Variants in ING2 observed in about 807,000 individuals in gnomAD.
ING2 encodes inhibitor of growth family member 2, also known as inhibitor of growth protein 2.
In ING2, 7 loss-of-function variants were observed where a neutral mutation model predicts 30.6. The observed-to-expected ratio is 0.23, with a 90% CI of 0.13 to 0.43. ING2 has a LOEUF of 0.43. Ranked by LOEUF, ING2 falls within the 20% of genes least tolerant of loss-of-function variation. The probability of loss-of-function intolerance (pLI) is 1.00; values close to 1 mark genes in which losing one functional copy is unlikely to be tolerated. For synonymous variants in ING2, 136 were observed against 121.7 expected (o/e 1.12, Z -0.78); for missense variants, 239 against 334.9 (o/e 0.71, Z 2.24).
At position 183,505,114 on chromosome 4, in the gene ING2, A is replaced by G. The variant is rs2111081857; in HGVS notation, c.-82A>G. 1.5e-6 allele frequency: 2 copies of G among 1,371,148 alleles called. No homozygotes were observed. Among genetic ancestry groups the G allele is most frequent in the African/African-American group, 1.6e-5 (1 of 63,872 alleles). The allele number at this position is 1,371,148 out of a possible 1,614,324, so 84.9% of individuals were successfully genotyped here. ...GGGTCCCCGCGGCGCCGGGCTGCTGAGCTGAGGGCCCGCGGCGGCCGCGGC... is the reference window on the plus strand; with the variant it reads ...GGGTCCCCGCGGCGCCGGGCTGCTGGGCTGAGGGCCCGCGGCGGCCGCGGC... On this transcript the variant is annotated 5_prime_UTR_variant, in exon 1 of 2. Coordinates refer to ENST00000302327, the MANE Select transcript of ING2 (RefSeq NM_001564.4).
At chr4:183,509,606 CG>C (rs1173823707) in intron 1 of ING2, among the ~76,000 whole-genome samples, 2 of 151,934 alleles carry the variant, frequency 1.3e-5, no homozygotes, top group African/African-American at 4.8e-5. Context: ...CCACTGCGCC[CG>C]GCTAATTTTT....
Position 183,505,142 on chromosome 4 carries a change from G to C in ING2, c.-54G>C. ...TGAGGGCCCGCGGCGGCCGCGGCCG[G>C]TGCATGTGCGGCTGCTGGATGCGGA... On this transcript the variant is annotated 5_prime_UTR_variant, in exon 1 of 2. Transcript: ENST00000302327. The C allele has an allele frequency of 1.3e-6, 2 of 1,542,786 alleles. No individual in the cohort carries two copies. Among genetic ancestry groups the C allele is most frequent in the Non-Finnish European group, 1.7e-6 (2 of 1,147,980 alleles).
intron 1 of ING2, 150 bp downstream of exon 1, chr4:183,505,517 C>A (rs1734614367): frequency 1.4e-6 from 1 of 737,866 alleles, no homozygotes; most frequent in Non-Finnish European, 2.1e-6. Flanking sequence ...GGGTTGGCGG[C>A]CCTCCGTGGC....
At chr4:183,506,450 C>T (rs1017785642) in intron 1 of ING2, 8 of 551,618 alleles carry the variant, frequency 1.5e-5, no homozygotes, top group African/African-American at 1.2e-4. Flanking sequence ...CTTTGCCGGC[C>T]GACCCGGGAA....
Position 183,510,745 on chromosome 4 carries a change from T to C in ING2, c.636T>C (p.Pro212=), listed in dbSNP as rs376521443. The change falls in exon 2 of 2, where the codon CCT becomes CCC. Residue 212 remains proline (P), a synonymous_variant. Transcript: ENST00000302327. ...PVEFAIDPNE[P]TYCLCNQVSY... ...AGTTTGCAATAGATCCTAATGAACC[T>C]ACATACTGCTTATGCAACCAAGTGT... 6.2e-7 allele frequency: 1 copy of C among 1,614,082 alleles called. No individual in the cohort carries two copies. Among genetic ancestry groups the C allele is most frequent in the Non-Finnish European group, 8.5e-7 (1 of 1,180,038 alleles).
chr4:183,505,501 G>C (rs1013300907), intron 1 of ING2, 134 bp downstream of exon 1: 1 of 925,626 alleles, frequency 1.1e-6, no homozygotes, highest in Non-Finnish European at 1.5e-6. Context: ...GGGAGGACTG[G>C]AGACCGGGTT....
At chr4:183,506,428 G>A (rs1156398875) in intron 1 of ING2, 2 of 744,238 alleles carry the variant, frequency 2.7e-6, no homozygotes, top group Non-Finnish European at 4.1e-6. Context: ...TAAGTGTGGA[G>A]GCGAAACCAC....
rs181592059 is a variant in ING2, at chr4:183,507,241, C to T, written c.172+1874C>T. Among the ~76,000 whole-genome samples the T allele has an allele frequency of 9.7e-4, 147 of 152,290 alleles. 1 individual carries two copies. The highest frequency in any genetic ancestry group is 3.2e-3 in the African/African-American group (133 of 41,574). ...TCAGCCTCCCGAGTAGCTGGGATTA[C>T]AGGCAACTGCCATCACGCCGGGCTA... On this transcript the variant is annotated intron_variant, in intron 1 of 1. Coordinates refer to ENST00000302327, the MANE Select transcript of ING2 (RefSeq NM_001564.4).
intron 1 of ING2, among the ~76,000 whole-genome samples, chr4:183,508,971 T>A (rs1270860918): frequency 6.6e-6 from 1 of 152,216 alleles, no homozygotes; most frequent in African/African-American, 2.4e-5. Context: ...CAGAACCAAC[T>A]ACTGATTTAT....
rs889423324 is a variant in ING2, at chr4:183,505,895, G to A, written c.172+528G>A. ...TCCGCGCTCCTGCCCCGGCCCGGAGGAGAGCAGTCCGTTCCGCTCTCTCGC... is the reference window on the plus strand; with the variant it reads ...TCCGCGCTCCTGCCCCGGCCCGGAGAAGAGCAGTCCGTTCCGCTCTCTCGC... On this transcript the variant is annotated intron_variant, in intron 1 of 1. Transcript: ENST00000302327. Among the ~76,000 whole-genome samples the A allele has an allele frequency of 1.1e-4, 17 of 152,144 alleles. 1 individual carries two copies. The East Asian group carries it at 1.2e-3, about 10-fold the overall frequency.
At chr4:183,507,167 C>T (rs368386211) in intron 1 of ING2, among the ~76,000 whole-genome samples, 1 of 152,194 alleles carries the variant, frequency 6.6e-6, no homozygotes, top group South Asian at 2.1e-4. Context: ...GTGGCTCGAT[C>T]TTAGCTCCCT....
intron 1 of ING2, among the ~76,000 whole-genome samples, chr4:183,507,601 T>C (rs1393235714): frequency 2.0e-5 from 3 of 152,222 alleles, no homozygotes; most frequent in Non-Finnish European, 4.4e-5. Context: ...AATTCTTAGC[T>C]CTATGAAGTT....
At chr4:183,508,732 T>C (rs1734741454) in intron 1 of ING2, among the ~76,000 whole-genome samples, 1 of 152,232 alleles carries the variant, frequency 6.6e-6, no homozygotes, top group Non-Finnish European at 1.5e-5. Flanking sequence ...TAGTATGCCA[T>C]GTGGTATGAA....
chr4:183,509,042 T>C (rs527472288), intron 1 of ING2, among the ~76,000 whole-genome samples: 1 of 152,358 alleles, frequency 6.6e-6, no homozygotes, highest in South Asian at 2.1e-4. Flanking sequence ...GTTTGGTCAG[T>C]TGATGCCAGA....
chr4:183,506,296 A>T (rs1048077447), intron 1 of ING2: 6 of 1,304,260 alleles, frequency 4.6e-6, no homozygotes, highest in Non-Finnish European at 6.1e-6. Flanking sequence ...AGCAGCTCGG[A>T]CCGTCGCGGA....
Position 183,510,963 on chromosome 4 carries a change from C to A in ING2, c.*11C>A, listed in dbSNP as rs370084882. The A allele has an allele frequency of 7.7e-6, 12 of 1,553,518 alleles. No individual in the cohort carries two copies. In the African/African-American group the frequency reaches 1.5e-4, roughly 20 times the overall value. On this transcript the variant is annotated 3_prime_UTR_variant, in exon 2 of 2. Transcript: ENST00000302327. ...AGAAGATCGAGGTAGTAAAGGCCAT[C>A]CACATTTTAAAGGGTTATTTGTCTT...
chr4:183,505,127 C>T lies in ING2; in HGVS notation c.-69C>T, dbSNP rs1179628813. The T allele has an allele frequency of 6.9e-7, 1 of 1,444,744 alleles. No individual in the cohort carries two copies. The allele number at this position is 1,444,744 out of a possible 1,614,324, so 89.5% of individuals were successfully genotyped here. ...GCCGGGCTGCTGAGCTGAGGGCCCG[C>T]GGCGGCCGCGGCCGGTGCATGTGCG... On this transcript the variant is annotated 5_prime_UTR_variant, in exon 1 of 2. Coordinates refer to ENST00000302327, the MANE Select transcript of ING2 (RefSeq NM_001564.4).
rs35064658 is a variant in ING2, at chr4:183,509,734, C to CTT, written c.173-532_173-531dup. 2.6e-4 allele frequency among the ~76,000 whole-genome samples: 30 copies of CTT among 116,068 alleles called. 1 individual carries two copies. Among genetic ancestry groups the CTT allele is most frequent in the African/African-American group, 9.6e-4 (27 of 28,028 alleles). 76.1% of individuals were successfully genotyped at this position (116,068 alleles called of 152,430 possible). Reference sequence around the variant, plus strand: ...ACAAGCGTGAGCCACCGCGCCTGGCCTTTTTTTTTTTTTTTTTGAGATGGA... The same window carrying CTT: ...ACAAGCGTGAGCCACCGCGCCTGGCCTTTTTTTTTTTTTTTTTTTGAGATGGA... On this transcript the variant is annotated intron_variant, in intron 1 of 1. Coordinates refer to ENST00000302327, the MANE Select transcript of ING2 (RefSeq NM_001564.4).
In ING2 at chr4:183,511,141, C is replaced by G; in HGVS notation, c.*189C>G. 1 of 491,376 alleles carries G rather than the reference C, an allele frequency of 2.0e-6. No homozygotes were observed. Among genetic ancestry groups the G allele is most frequent in the Non-Finnish European group, 3.5e-6 (1 of 281,924 alleles). The allele number at this position is 491,376 out of a possible 1,614,324, so 30.4% of individuals were successfully genotyped here. A position where few individuals can be genotyped will look rare whatever the true frequency, so the allele number is the denominator to read the frequency against. ...GCACTGAGTTACCAAATATTTCCAA[C>G]CAGGTAGTCTTCAGATCACCTGATG... On this transcript the variant is annotated 3_prime_UTR_variant, in exon 2 of 2. Transcript: ENST00000302327.
Sources: allele counts gnomAD v4.1 joint callset (sites outside exome capture counted in the v4.1 genomes callset), GRCh38; gene constraint gnomAD v4.1.1; transcripts MANE v1.5; gene names NCBI Gene and HGNC (gene_info 2026-07-23, HGNC 2026-07-21).